The following WIPF3 variants were observed in gnomAD, a reference collection of about 807,000 sequenced individuals.
WIPF3 encodes the protein WAS/WASL-interacting protein family member 3.
WIPF3 carries 33 observed loss-of-function variants against 38.9 expected under a neutral mutation model. The observed-to-expected ratio is 0.85, with a 90% CI of 0.64 to 1.14. The LOEUF (loss-of-function observed/expected upper bound fraction) is 1.14. Ranked by LOEUF, WIPF3 falls within the 50% of genes most tolerant of loss-of-function variation. The pLI, the probability that WIPF3 is intolerant of heterozygous loss-of-function variation, is 0.00. For synonymous variants in WIPF3, 324 were observed against 269.3 expected (o/e 1.20, Z -1.99); for missense variants, 711 against 652.5 (o/e 1.09, Z -0.98).
intron 1 of WIPF3, among the ~76,000 whole-genome samples, chr7:29,824,177 C>T (rs1784580794): frequency 6.6e-6 from 1 of 152,064 alleles, no homozygotes; most frequent in Non-Finnish European, 1.5e-5. Context: ...GCATGGTGGC[C>T]CATCCCTGTG....
intron 7 of WIPF3, among the ~76,000 whole-genome samples, chr7:29,892,678 C>A (rs1402441245): frequency 6.6e-6 from 1 of 152,166 alleles, no homozygotes; most frequent in Non-Finnish European, 1.5e-5. Context: ...CTGTCTGAAC[C>A]CAGGGCCAGT....
rs1484272868 is a variant in WIPF3, at chr7:29,888,214, A to G, written c.1246A>G (p.Ile416Val). The G allele has an allele frequency of 2.5e-6, 4 of 1,607,394 alleles. No individual in the cohort carries two copies. The highest frequency in any genetic ancestry group is 1.7e-5 in the Admixed American group (1 of 58,988). The change falls in exon 6 of 9, where the codon ATT (isoleucine) becomes GTT (valine). Residue 416 changes from isoleucine (I) to valine (V), a missense_variant. Physicochemically the swap from Ile to Val is conservative, Grantham distance 29. Coordinates refer to ENST00000242140, the MANE Select transcript of WIPF3 (RefSeq NM_001080529.3). ...ACTGCGAAATGGAAGCCTGCACATC[A>G]TTGGTAAGTGGGTTGCACCCTCTGC... The part of the protein sequence containing the change: ...GQLRNGSLHI[I>V]DDFESKFTFH...
chr7:29,887,203 T>C (rs1200634233), intron 5 of WIPF3, among the ~76,000 whole-genome samples: 3 of 152,240 alleles, frequency 2.0e-5, no homozygotes, highest in Non-Finnish European at 2.9e-5. Context: ...AAACTTGGTT[T>C]GTCCATGTTC....
At chr7:29,911,032 CA>C (rs34256909) in intron 8 of WIPF3, among the ~76,000 whole-genome samples, 71 of 148,598 alleles carry the variant, frequency 4.8e-4, no homozygotes, top group African/African-American at 6.2e-4. Context: ...AAGATTCCAC[CA>C]AAAAAAAAAC....
At chr7:29,822,123 G>GTTTTTTTTTTTTTTTTTTTTTTTT in intron 1 of WIPF3, among the ~76,000 whole-genome samples, 2 of 62,836 alleles carry the variant, frequency 3.2e-5, no homozygotes, top group Non-Finnish European at 5.8e-5. Flanking sequence ...TTTTTTCTTA[G>GTTTTTTTTTTTTTTTTTTTTTTTT]TTTTTTTTTT....
intron 3 of WIPF3, among the ~76,000 whole-genome samples, chr7:29,877,246 T>C (rs1785618449): frequency 6.6e-6 from 1 of 152,226 alleles, no homozygotes; most frequent in Non-Finnish European, 1.5e-5. Context: ...ATGAAGCAGA[T>C]GACTCTGGAG....
intron 4 of WIPF3, 121 bp downstream of exon 4, chr7:29,879,261 G>C: frequency 8.0e-7 from 1 of 1,255,306 alleles, no homozygotes; most frequent in Non-Finnish European, 1.1e-6. Context: ...TGATAGAGTA[G>C]AAGATCATGT....
rs138074604 is a variant in WIPF3, at chr7:29,838,292, T to G, written c.90+3478T>G. ...TATAACTCTTGGTGGGAGCAAAACTTAGTGAAATGCCCTAAGATACAATTT... is the reference window on the plus strand; with the variant it reads ...TATAACTCTTGGTGGGAGCAAAACTGAGTGAAATGCCCTAAGATACAATTT... On this transcript the variant is annotated intron_variant, in intron 2 of 8. Coordinates refer to ENST00000242140, the MANE Select transcript of WIPF3 (RefSeq NM_001080529.3). Among the ~76,000 whole-genome samples, 576 of 151,966 alleles carry G rather than the reference T, an allele frequency of 3.8e-3. 6 individuals carry two copies. The highest frequency in any genetic ancestry group is 0.013 in the African/African-American group (540 of 41,416).
chr7:29,825,697 AATGAATG>A (rs1376352100), intron 1 of WIPF3, among the ~76,000 whole-genome samples: 1 of 152,214 alleles, frequency 6.6e-6, no homozygotes, highest in Non-Finnish European at 1.5e-5. Flanking sequence ...GAGTGAATTC[AATGAATG>A]ATCTGGGAAC....
At chr7:29,911,117 A>G (rs796237195) in intron 8 of WIPF3, among the ~76,000 whole-genome samples, 2 of 152,316 alleles carry the variant, frequency 1.3e-5, no homozygotes, top group African/African-American at 2.4e-5. Context: ...TCTACACACT[A>G]ACAATGAGCA....
intron 5 of WIPF3, 97 bp downstream of exon 5, chr7:29,884,690 G>T (rs1785835461): frequency 7.0e-7 from 1 of 1,437,394 alleles, no homozygotes; most frequent in East Asian, 2.6e-5. Flanking sequence ...TTTCAGAGAT[G>T]GACACCAGGG....
rs1786471543 is a variant in WIPF3, at chr7:29,909,883, G to A, written c.1429-4610G>A. 2.2e-5 allele frequency among the ~76,000 whole-genome samples: 3 copies of A among 134,586 alleles called. No homozygotes were observed. The Admixed American group carries it at 2.4e-4, about 11-fold the overall frequency. 88.3% of individuals were successfully genotyped at this position (134,586 alleles called of 152,430 possible). The stretch of plus-strand genomic sequence containing the variant: ...TGCACTACACCCTGGGTGACAGAGT[G>A]AAACCCTGTCTCAAAAAAAAAAAGA... On this transcript the variant is annotated intron_variant, in intron 8 of 8. Coordinates refer to ENST00000242140, the MANE Select transcript of WIPF3 (RefSeq NM_001080529.3).
chr7:29,813,688 C>T (rs763560263), intron 1 of WIPF3, among the ~76,000 whole-genome samples: 2 of 152,100 alleles, frequency 1.3e-5, no homozygotes, highest in Admixed American at 6.6e-5. Flanking sequence ...AATTCACATA[C>T]CATAAGATTC....
At chr7:29,850,274 G>C (rs572015523) in intron 2 of WIPF3, among the ~76,000 whole-genome samples, 69 of 152,316 alleles carry the variant, frequency 4.5e-4, no homozygotes, top group African/African-American at 1.6e-3. Context: ...AAAAGCAATG[G>C]TTGATGTAAA....
chr7:29,807,290 C>T (rs1460410285), intron 1 of WIPF3, among the ~76,000 whole-genome samples: 2 of 152,202 alleles, frequency 1.3e-5, no homozygotes, highest in African/African-American at 2.4e-5. Context: ...GACACCCCTC[C>T]CGTGCTCATC....
Position 29,883,806 on chromosome 7 carries a change from C to T in WIPF3, c.356-44C>T, listed in dbSNP as rs760970527. 154 of 1,510,116 alleles carry T rather than the reference C, an allele frequency of 1.0e-4. 1 individual carries two copies. In the Middle Eastern group the frequency reaches 1.8e-3, roughly 18 times the overall value. 93.5% of individuals were successfully genotyped at this position (1,510,116 alleles called of 1,614,324 possible). A position where few individuals can be genotyped will look rare whatever the true frequency, so the allele number is the denominator to read the frequency against. On this transcript the variant is annotated intron_variant, in intron 4 of 8. Transcript: ENST00000242140. ...TGCCGCCTACCTGCGGGGGCTTTCT[C>T]CTTCTTTATTGCCGAGCTAACCCAG...
intron 1 of WIPF3, among the ~76,000 whole-genome samples, chr7:29,827,466 G>T (rs174929): frequency 6.6e-6 from 1 of 152,010 alleles, no homozygotes; most frequent in African/African-American, 2.4e-5. Flanking sequence ...CTACATTTAC[G>T]TTGAGAACCC....
intron 2 of WIPF3, among the ~76,000 whole-genome samples, chr7:29,851,149 G>A (rs545654674): frequency 1.3e-5 from 2 of 152,236 alleles, no homozygotes; most frequent in South Asian, 2.1e-4. Flanking sequence ...TGCCAGGCCC[G>A]ACCTTGCCGG....
intron 2 of WIPF3, among the ~76,000 whole-genome samples, chr7:29,848,190 C>T (rs1785032800): frequency 6.6e-6 from 1 of 152,158 alleles, no homozygotes; most frequent in South Asian, 2.1e-4. Flanking sequence ...CACATGGGTG[C>T]AGCTATAGGA....
Sources: allele counts gnomAD v4.1 joint callset (sites outside exome capture counted in the v4.1 genomes callset), GRCh38; gene constraint gnomAD v4.1.1; transcripts MANE v1.5; gene names NCBI Gene and HGNC (gene_info 2026-07-23, HGNC 2026-07-21).